Variants in ASTN2 observed in about 807,000 individuals in gnomAD.
The protein encoded by ASTN2 is astrotactin 2.
Under a neutral mutation model 139.8 loss-of-function variants are expected in ASTN2, and 54 were observed. The observed-to-expected ratio is 0.39, with a 90% CI of 0.31 to 0.48. The LOEUF (loss-of-function observed/expected upper bound fraction) is 0.48. Among genes scored for constraint, ASTN2 ranks in the 20% least tolerant of loss-of-function variants. The probability of loss-of-function intolerance (pLI) is 0.95; values close to 1 mark genes in which losing one functional copy is unlikely to be tolerated. For missense variants in ASTN2, 1,565 were observed against 1,725.1 expected (o/e 0.91, Z 1.64); for synonymous variants, 756 against 719.5 (o/e 1.05, Z -0.81).
At chr9:116,991,648 A>G (rs1010770373) in intron 7 of ASTN2, among the ~76,000 whole-genome samples, 1 of 151,168 alleles carries the variant, frequency 6.6e-6, no homozygotes, top group Non-Finnish European at 1.5e-5. Flanking sequence ...GCTCAAAATT[A>G]TACCAATAGT....
chr9:116,812,401 T>C (rs1248873275), intron 12 of ASTN2, among the ~76,000 whole-genome samples: 1 of 152,098 alleles, frequency 6.6e-6, no homozygotes, highest in Admixed American at 6.6e-5. Flanking sequence ...AAATGCAACT[T>C]AGAAGCAGAG....
intron 10 of ASTN2, among the ~76,000 whole-genome samples, chr9:116,916,813 C>T (rs1212519191): frequency 6.6e-6 from 1 of 152,094 alleles, no homozygotes; most frequent in Non-Finnish European, 1.5e-5. Context: ...GCCTGGGTGA[C>T]AGGGTGAGAC....
chr9:116,949,741 G>A (rs902450288), intron 10 of ASTN2, among the ~76,000 whole-genome samples: 2 of 152,184 alleles, frequency 1.3e-5, no homozygotes, highest in African/African-American at 4.8e-5. Context: ...CTGGTTCCAG[G>A]GGTTATAGAG....
chr9:117,414,674 C>T lies in ASTN2; in HGVS notation c.265G>A (p.Gly89Arg). ...SDIGWSGARA[G>R]AGAGTGAGAA... Reference sequence around the variant, plus strand: ...CCGGCCCCGGTCCCAGCCCCGGCCCCGGCGCGGGCGCCGCTCCAGCCGATG... The same window carrying T: ...CCGGCCCCGGTCCCAGCCCCGGCCCTGGCGCGGGCGCCGCTCCAGCCGATG... The change falls in exon 1 of 23, where the codon GGG (glycine) becomes AGG (arginine). Residue 89 changes from glycine (G) to arginine (R), a missense_variant. By Grantham distance (125) the Gly-to-Arg change is moderately radical (BLOSUM62 -2). This residue lies in a region of ASTN2 where 596 missense variants were observed against 576.8 expected (regional missense o/e 1.03). Coordinates refer to ENST00000313400, the MANE Select transcript of ASTN2 (RefSeq NM_001365068.1). This position sits in a 1 kb window ranked among gnomAD's most constrained non-coding sequence, Gnocchi z 4.2. 1 of 1,254,284 alleles carries T rather than the reference C, an allele frequency of 8.0e-7. No individual in the cohort carries two copies. Among genetic ancestry groups the T allele is most frequent in the Non-Finnish European group, 1.0e-6 (1 of 1,003,362 alleles). The allele number at this position is 1,254,284 out of a possible 1,614,324, so 77.7% of individuals were successfully genotyped here. A position where few individuals can be genotyped will look rare whatever the true frequency, so the allele number is the denominator to read the frequency against.
At chr9:116,872,944 G>A (rs757068085) in intron 10 of ASTN2, among the ~76,000 whole-genome samples, 2 of 152,102 alleles carry the variant, frequency 1.3e-5, no homozygotes, top group Non-Finnish European at 2.9e-5. Context: ...CCAGGCCATG[G>A]TGATTCTGGA....
intron 5 of ASTN2, among the ~76,000 whole-genome samples, chr9:117,055,136 A>AGAT (rs1364708585): frequency 3.3e-5 from 5 of 152,232 alleles, no homozygotes; most frequent in Non-Finnish European, 7.3e-5. Context: ...CCCCTGTCCT[A>AGAT]GATGATATCT....
At chr9:116,488,227 G>T (rs1315452858) in intron 19 of ASTN2, among the ~76,000 whole-genome samples, 1 of 152,114 alleles carries the variant, frequency 6.6e-6, no homozygotes, top group Admixed American at 6.5e-5. Flanking sequence ...AGAAGTAGTG[G>T]AAGTTTACTA....
intron 20 of ASTN2, among the ~76,000 whole-genome samples, chr9:116,446,288 GA>G (rs1564282722): frequency 3.3e-5 from 5 of 150,790 alleles, no homozygotes; most frequent in Non-Finnish European, 7.4e-5. Context: ...GAGAGAGAGA[GA>G]GAGAGAGAGA....
chr9:117,064,799 T>TA (rs11321268), intron 5 of ASTN2, among the ~76,000 whole-genome samples: 36,946 of 149,338 alleles, frequency 0.25, 5,485 homozygotes, highest in Middle Eastern at 0.4. Flanking sequence ...TCTATATACT[T>TA]AAAAAAAAAA....
chr9:116,661,633 G>A (rs372570879), intron 16 of ASTN2, among the ~76,000 whole-genome samples: 1 of 152,160 alleles, frequency 6.6e-6, no homozygotes, highest in African/African-American at 2.4e-5. Flanking sequence ...GGATCTTAAA[G>A]AAGACAGTAA....
intron 19 of ASTN2, among the ~76,000 whole-genome samples, chr9:116,538,618 T>C (rs1300305030): frequency 6.6e-6 from 1 of 152,198 alleles, no homozygotes; most frequent in Non-Finnish European, 1.5e-5. Flanking sequence ...GAGTGAAAAT[T>C]CTTCATGTTG....
At chr9:117,128,174 TGACA>T (rs1349118449) in intron 4 of ASTN2, among the ~76,000 whole-genome samples, 2 of 151,846 alleles carry the variant, frequency 1.3e-5, no homozygotes, top group Non-Finnish European at 2.9e-5. Flanking sequence ...AATCAGGGTC[TGACA>T]TTCTGGCCAA....
intron 13 of ASTN2, among the ~76,000 whole-genome samples, chr9:116,767,010 A>G (rs971671779): frequency 1.3e-5 from 2 of 152,084 alleles, no homozygotes; most frequent in African/African-American, 2.4e-5. Flanking sequence ...AAACACACAC[A>G]TTCACACTCA....
At chr9:117,231,584 G>A (rs1832893127) in intron 2 of ASTN2, among the ~76,000 whole-genome samples, 1 of 152,204 alleles carries the variant, frequency 6.6e-6, no homozygotes, top group South Asian at 2.1e-4. Flanking sequence ...GGAATTTGTG[G>A]AATTTGGGGA....
intron 3 of ASTN2, among the ~76,000 whole-genome samples, chr9:117,157,295 G>C (rs1243825777): frequency 6.6e-6 from 1 of 151,930 alleles, no homozygotes; most frequent in Non-Finnish European, 1.5e-5. Flanking sequence ...CTAGCAATTA[G>C]AGACTGGAAG....
chr9:117,113,485 G>A (rs10983530), intron 4 of ASTN2, among the ~76,000 whole-genome samples: 1,989 of 152,124 alleles, frequency 0.013, 49 homozygotes, highest in African/African-American at 0.045. Flanking sequence ...GTTAAACCCC[G>A]TCTCCACTAA....
intron 5 of ASTN2, among the ~76,000 whole-genome samples, chr9:117,049,485 C>T (rs1838852229): frequency 6.6e-6 from 1 of 152,158 alleles, no homozygotes; most frequent in Admixed American, 6.5e-5. Context: ...ATAATTTATA[C>T]AAAGGTTGTA....
chr9:117,377,827 AAAAC>A (rs1336680671), intron 1 of ASTN2, among the ~76,000 whole-genome samples: 8 of 152,196 alleles, frequency 5.3e-5, no homozygotes, highest in African/African-American at 1.9e-4. Flanking sequence ...TTTAAAGTAA[AAAAC>A]AAAGATACAC....
chr9:116,496,304 T>C (rs3891689), intron 19 of ASTN2, among the ~76,000 whole-genome samples: 31,618 of 152,130 alleles, frequency 0.21, 3,432 homozygotes, highest in Middle Eastern at 0.25. Flanking sequence ...AATGTATCTG[T>C]TGTGTGCTTC....
Sources: gnomAD v4.1 joint callset for allele counts (sites outside exome capture counted in the v4.1 genomes callset) on GRCh38, gnomAD v4.1.1 for gene constraint, gnomAD v4.1.1 regional missense constraint, Gnocchi (gnomAD v3.1) non-coding constraint, MANE v1.5 for transcripts, NCBI Gene and HGNC (gene_info 2026-07-23, HGNC 2026-07-21) for gene names.